Variants in MAPK8IP1 observed in about 807,000 individuals in gnomAD.
MAPK8IP1 encodes the protein C-Jun-amino-terminal kinase-interacting protein 1.
MAPK8IP1 carries 17 observed loss-of-function variants against 72.6 expected under a neutral mutation model. The ratio of observed to expected loss-of-function variants is 0.23; its 90% confidence interval spans 0.16 to 0.35. The LOEUF is 0.35. Ranked by LOEUF, MAPK8IP1 falls within the 10% of genes least tolerant of loss-of-function variation. The probability of loss-of-function intolerance (pLI) is 1.00; values close to 1 mark genes in which losing one functional copy is unlikely to be tolerated. For synonymous variants in MAPK8IP1, 401 were observed against 443.4 expected (o/e 0.90, Z 1.20); for missense variants, 789 against 1,009.7 (o/e 0.78, Z 2.96).
chr11:45,897,395 C>T (rs1472883346), intron 1 of MAPK8IP1, among the ~76,000 whole-genome samples: 1 of 152,190 alleles, frequency 6.6e-6, no homozygotes, highest in South Asian at 2.1e-4. Flanking sequence ...AAGGTTGTAA[C>T]ACCTCTGGTC....
intron 1 of MAPK8IP1, chr11:45,896,706 T>A (rs2086608396): frequency 7.0e-7 from 1 of 1,434,902 alleles, no homozygotes; most frequent in African/African-American, 1.4e-5. Flanking sequence ...TCCTGGCCTG[T>A]CTATTTTTAA....
chr11:45,904,754 C>T lies in MAPK8IP1; in HGVS notation c.1813C>T (p.Pro605Ser), dbSNP rs776306021. 2 of 1,614,024 alleles carry T rather than the reference C, an allele frequency of 1.2e-6. No homozygotes were observed. The highest frequency in any genetic ancestry group is 1.3e-5 in the African/African-American group (1 of 75,044). ...CCGCCGGCTCACCGTGCACTTTAACCCGCCCTCCAGCTGTGTCCTGGAGAT... is the reference window on the plus strand; with the variant it reads ...CCGCCGGCTCACCGTGCACTTTAACTCGCCCTCCAGCTGTGTCCTGGAGAT... The part of the protein sequence containing the change: ...TTRRLTVHFN[P>S]PSSCVLEISV... The change falls in exon 9 of 12, where the codon CCG (proline) becomes TCG (serine). Residue 605 changes from proline (P) to serine (S), a missense_variant. Pro to Ser is a moderately conservative substitution (Grantham distance 74). Coordinates refer to ENST00000241014, the MANE Select transcript of MAPK8IP1 (RefSeq NM_005456.4). The surrounding 1 kb of genome is among the most constrained non-coding windows in gnomAD (Gnocchi z 6.4).
At chr11:45,894,321 T>C (rs1037585005) in intron 1 of MAPK8IP1, among the ~76,000 whole-genome samples, 1 of 152,004 alleles carries the variant, frequency 6.6e-6, no homozygotes, top group Non-Finnish European at 1.5e-5. Flanking sequence ...AAGCCTGATA[T>C]GGTGATCATT....
At chr11:45,897,939 C>T (rs772538360) in intron 1 of MAPK8IP1, 146 bp from the exon 2 acceptor site, 3 of 649,130 alleles carry the variant, frequency 4.6e-6, no homozygotes, top group Non-Finnish European at 8.6e-6. Context: ...CTGACCACCC[C>T]CTGCATTGAT....
Position 45,903,088 on chromosome 11 carries a change from G to T in MAPK8IP1, c.1321G>T (p.Ala441Ser). Residue 441 changes from alanine (A) to serine (S), a missense_variant, in exon 5 of 12, where the codon GCC becomes TCC. This residue lies in a region of MAPK8IP1 where 377 missense variants were observed against 411.7 expected (regional missense o/e 0.92). Transcript: ENST00000241014. The surrounding 1 kb of genome is among the most constrained non-coding windows in gnomAD (Gnocchi z 6.4). The part of the protein sequence containing the change: ...YEEAPRPQPP[A>S]CLSEDSTPDE... ...GGAGGCCCCGCGGCCCCAGCCCCCT[G>T]CCTGCCTCTCCGAGGACTCCACGCC... 1.9e-6 allele frequency: 3 copies of T among 1,611,492 alleles called. No homozygotes were observed. The highest frequency in any genetic ancestry group is 2.5e-6 in the Non-Finnish European group (3 of 1,179,946).
intron 1 of MAPK8IP1, among the ~76,000 whole-genome samples, chr11:45,894,002 T>C (rs1459685292): frequency 6.6e-6 from 1 of 152,054 alleles, no homozygotes; most frequent in Non-Finnish European, 1.5e-5. Context: ...CTTTGACCAA[T>C]CAGTCCCCCT....
chr11:45,899,636 T>G (rs1210546096), intron 2 of MAPK8IP1, among the ~76,000 whole-genome samples: 1 of 152,060 alleles, frequency 6.6e-6, no homozygotes, highest in Non-Finnish European at 1.5e-5. Context: ...TGGCCCCCGC[T>G]CGCCCCTCCC....
intron 1 of MAPK8IP1, among the ~76,000 whole-genome samples, chr11:45,889,161 T>G (rs1397019790): frequency 1.3e-5 from 2 of 152,244 alleles, no homozygotes; most frequent in Non-Finnish European, 2.9e-5. Context: ...GATTTTTTCT[T>G]ATATATCTTA....
At position 45,888,224 on chromosome 11, in the gene MAPK8IP1, G is replaced by T. The variant is rs187502857; in HGVS notation, c.101+2303G>T. Among the ~76,000 whole-genome samples, 13 of 152,230 alleles carry T rather than the reference G, an allele frequency of 8.5e-5. No individual in the cohort carries two copies. The East Asian group carries it at 2.3e-3, about 27-fold the overall frequency. ...CTGTCAGCTCCCAGAAAATAAAGGG[G>T]GTCTGTACCCAAACTTTGGTATCCC... On this transcript the variant is annotated intron_variant, in intron 1 of 11. Transcript: ENST00000241014.
Position 45,885,869 on chromosome 11 carries a change from C to G in MAPK8IP1, c.49C>G (p.Pro17Ala). 1 of 1,457,092 alleles carries G rather than the reference C, an allele frequency of 6.9e-7. No individual in the cohort carries two copies. The highest frequency in any genetic ancestry group is 1.3e-5 in the South Asian group (1 of 74,310). The allele number at this position is 1,457,092 out of a possible 1,614,324, so 90.3% of individuals were successfully genotyped here. A position where few individuals can be genotyped will look rare whatever the true frequency, so the allele number is the denominator to read the frequency against. Residue 17 changes from proline to alanine, a missense_variant, in exon 1 of 12, where the codon CCC becomes GCC. Coordinates refer to ENST00000241014, the MANE Select transcript of MAPK8IP1 (RefSeq NM_005456.4). ...CCTGGGAGGGGGGGCCGCGTCCCCGCCCGCCGCCTCCCCGTTCCTGGGGCT... is the reference window on the plus strand; with the variant it reads ...CCTGGGAGGGGGGGCCGCGTCCCCGGCCGCCGCCTCCCCGTTCCTGGGGCT... ...GGLGGGAASPPAASPFLGLHI... is the reference protein window; with the variant it reads ...GGLGGGAASPAAASPFLGLHI...
At chr11:45,898,946 C>T (rs1232263003) in intron 2 of MAPK8IP1, among the ~76,000 whole-genome samples, 1 of 152,176 alleles carries the variant, frequency 6.6e-6, no homozygotes, top group Non-Finnish European at 1.5e-5. Context: ...GGTTTTAGAG[C>T]CCAGAGCTCC....
At chr11:45,897,097 G>A in intron 1 of MAPK8IP1, 1 of 800,500 alleles carries the variant, frequency 1.2e-6, no homozygotes, top group Non-Finnish European at 2.1e-6. Context: ...TCTCCTGGGT[G>A]ACCTTGAACT....
chr11:45,902,107 C>A lies in MAPK8IP1; in HGVS notation c.604+46C>A. The A allele has an allele frequency of 6.6e-7, 1 of 1,518,914 alleles. No individual in the cohort carries two copies. The highest frequency in any genetic ancestry group is 9.1e-7 in the Non-Finnish European group (1 of 1,093,302). 94.1% of individuals were successfully genotyped at this position (1,518,914 alleles called of 1,614,324 possible). ...TTACCTGGACCTCCGCCTGCCCTGA[C>A]TCAGTCCCCACTACAGAGAGCAAAC... On this transcript the variant is annotated intron_variant, in intron 4 of 11. Transcript: ENST00000241014. This position sits in a 1 kb window ranked among gnomAD's most constrained non-coding sequence, Gnocchi z 9.3.
At chr11:45,898,547 G>A (rs1472853181) in intron 2 of MAPK8IP1, among the ~76,000 whole-genome samples, 1 of 152,144 alleles carries the variant, frequency 6.6e-6, no homozygotes, top group Admixed American at 6.5e-5. Flanking sequence ...AGCAGCCCTG[G>A]CAGAGGGCCT....
At position 45,903,208 on chromosome 11, in the gene MAPK8IP1, G is replaced by T. The variant is rs943929978; in HGVS notation, c.1417+24G>T. 1.3e-6 allele frequency: 2 copies of T among 1,594,492 alleles called. No individual in the cohort carries two copies. The highest frequency in any genetic ancestry group is 1.7e-5 in the Admixed American group (1 of 59,602). On this transcript the variant is annotated intron_variant, in intron 5 of 11. Transcript: ENST00000241014. The surrounding 1 kb of genome is among the most constrained non-coding windows in gnomAD (Gnocchi z 6.4). ...CAGTGAGTCAGCAAGGGGAAGCAGT[G>T]GGGTGGGGGGGTCCCTAGCGGGGGC...
rs551950802 is a variant in MAPK8IP1 at position 45,904,055 on chromosome 11, G to A, written c.1560G>A (p.Gln520=). 9 of 1,614,066 alleles carry A rather than the reference G, an allele frequency of 5.6e-6. No individual in the cohort carries two copies. Among genetic ancestry groups the A allele is most frequent in the Non-Finnish European group, 7.6e-6 (9 of 1,180,018 alleles). ...EVDDPLLVEL[Q]AEDYWYEAYN... ...ATGACCCTCTGCTAGTGGAGCTCCA[G>A]GCTGAAGACTACTGGTACGAGGCCT... The change falls in exon 7 of 12, where the codon CAG becomes CAA. Residue 520 remains glutamine, a synonymous_variant. Transcript: ENST00000241014. The surrounding 1 kb of genome is among the most constrained non-coding windows in gnomAD (Gnocchi z 6.4).
At chr11:45,885,942 C>G (rs988857853) in intron 1 of MAPK8IP1, 21 bp downstream of exon 1, 2 of 1,441,316 alleles carry the variant, frequency 1.4e-6, no homozygotes, top group Admixed American at 2.4e-5. Flanking sequence ...CCGGCCGCCG[C>G]GCGCCTCGCC....
chr11:45,906,234 AGGT>A lies in MAPK8IP1; in HGVS notation c.*515_*517del. 3.4e-6 allele frequency: 1 copy of A among 295,388 alleles called. No individual in the cohort carries two copies. The highest frequency in any genetic ancestry group is 4.7e-5 in the Admixed American group (1 of 21,368). 18.3% of individuals were successfully genotyped at this position (295,388 alleles called of 1,614,324 possible). A position where few individuals can be genotyped will look rare whatever the true frequency, so the allele number is the denominator to read the frequency against. On this transcript the variant is annotated 3_prime_UTR_variant, in exon 12 of 12. Coordinates refer to ENST00000241014, the MANE Select transcript of MAPK8IP1 (RefSeq NM_005456.4). ...CCAGTGAGGAAATGGCAACACGTGG[AGGT>A]GAAGTCCCTGTTCTCAGCTCCGTCA...
intron 1 of MAPK8IP1, among the ~76,000 whole-genome samples, chr11:45,895,630 AAAAATAT>A (rs1478979295): frequency 8.0e-4 from 22 of 27,408 alleles, no homozygotes; most frequent in African/African-American, 1.7e-3. Context: ...AAAAAAAAAA[AAAAATAT>A]ATATATATAT....
Sources: allele counts gnomAD v4.1 joint callset (sites outside exome capture counted in the v4.1 genomes callset), GRCh38; gene constraint gnomAD v4.1.1; regional missense constraint gnomAD v4.1.1; non-coding constraint Gnocchi (gnomAD v3.1); transcripts MANE v1.5; gene names NCBI Gene and HGNC (gene_info 2026-07-23, HGNC 2026-07-21).